The following SUMO3 variants were observed in gnomAD, a reference collection of about 807,000 sequenced individuals.
SUMO3 encodes small ubiquitin like modifier 3, also known as small ubiquitin-related modifier 3.
In SUMO3, 2 loss-of-function variants were observed where a neutral mutation model predicts 11.1. The observed-to-expected ratio is 0.18, with a 90% CI of 0.07 to 0.57. The LOEUF (loss-of-function observed/expected upper bound fraction) is 0.57. SUMO3 is among the 20% of genes least tolerant of loss of function. The pLI, the probability that SUMO3 is intolerant of heterozygous loss-of-function variation, is 0.92. For synonymous variants in SUMO3, 56 were observed against 53.5 expected (o/e 1.05, Z -0.20); for missense variants, 70 against 132.8 (o/e 0.53, Z 2.32).
At chr21:44,817,273 G>A (rs565636465) in intron 1 of SUMO3, among the ~76,000 whole-genome samples, 2 of 150,084 alleles carry the variant, frequency 1.3e-5, no homozygotes, top group Non-Finnish European at 3.0e-5. Context: ...GCGATGGGTG[G>A]GAGTAGGTGC....
chr21:44,808,846 G>T (rs2083193802), intron 3 of SUMO3: 2 of 675,848 alleles, frequency 3.0e-6, no homozygotes, highest in East Asian at 2.8e-5. Context: ...TCTCCAAACA[G>T]CAAGAATGAT....
At chr21:44,809,193 C>G in intron 2 of SUMO3, 75 bp from the exon 3 acceptor site, 2 of 1,422,578 alleles carry the variant, frequency 1.4e-6, no homozygotes, top group Admixed American at 1.7e-5. Flanking sequence ...ATTAGTCTCA[C>G]TGACAAGCCC....
chr21:44,813,456 T>C, intron 2 of SUMO3: 1 of 223,430 alleles, frequency 4.5e-6, no homozygotes, highest in Non-Finnish European at 9.1e-6. Context: ...GTGGGGCAGC[T>C]CATTATCCTG....
intron 2 of SUMO3, among the ~76,000 whole-genome samples, chr21:44,813,349 A>C (rs1256841782): frequency 6.6e-6 from 1 of 151,914 alleles, no homozygotes; most frequent in African/African-American, 2.4e-5. Context: ...CCCCTGGCCC[A>C]GGGTGAGTCC....
intron 2 of SUMO3, chr21:44,813,509 T>C (rs1478211677): frequency 6.3e-6 from 2 of 315,206 alleles, no homozygotes; most frequent in Non-Finnish European, 1.2e-5. Context: ...TTTCTTGCCT[T>C]TCCTAACAAA....
intron 3 of SUMO3, 95 bp downstream of exon 3, chr21:44,808,952 T>C: frequency 1.0e-6 from 1 of 969,038 alleles, no homozygotes; most frequent in Non-Finnish European, 1.7e-6. Flanking sequence ...CTGTATGAGC[T>C]CCCACCTACA....
Position 44,813,956 on chromosome 21 carries a change from G to A in SUMO3, c.150+20C>T, listed in dbSNP as rs369635137. The A allele has an allele frequency of 1.0e-4, 160 of 1,607,666 alleles. 1 individual carries two copies. The highest frequency in any genetic ancestry group is 3.3e-4 in the Middle Eastern group (2 of 6,034). On this transcript the variant is annotated intron_variant, in intron 2 of 3. Coordinates refer to ENST00000332859, the MANE Select transcript of SUMO3 (RefSeq NM_006936.3). ...CAGTGCGCACACGGGGAGGCTCTGC[G>A]GGGGAGCAAGGTGCCGCACCTGCCT...
chr21:44,810,431 TG>T lies in SUMO3; in HGVS notation c.151-1314del, dbSNP rs146461062. Among the ~76,000 whole-genome samples the T allele has an allele frequency of 0.011, 1,720 of 152,260 alleles. 30 individuals carry two copies. Among genetic ancestry groups the T allele is most frequent in the African/African-American group, 0.039 (1,633 of 41,544 alleles). On this transcript the variant is annotated intron_variant, in intron 2 of 3. Coordinates refer to ENST00000332859, the MANE Select transcript of SUMO3 (RefSeq NM_006936.3). The surrounding 1 kb of genome is among the most constrained non-coding windows in gnomAD (Gnocchi z 4.1). Reference sequence around the variant, plus strand: ...AGGCAGCTGATTCTGAACAGCTGCCTGGAAGTTCACATGCAGACCCCTCAGG... The same window carrying T: ...AGGCAGCTGATTCTGAACAGCTGCCTGAAGTTCACATGCAGACCCCTCAGG...
chr21:44,811,471 C>A lies in SUMO3; in HGVS notation c.151-2353G>T, dbSNP rs967746596. Among the ~76,000 whole-genome samples the A allele has an allele frequency of 2.0e-5, 3 of 152,034 alleles. No homozygotes were observed. Among genetic ancestry groups the A allele is most frequent in the African/African-American group, 4.8e-5 (2 of 41,360 alleles). On this transcript the variant is annotated intron_variant, in intron 2 of 3. Coordinates refer to ENST00000332859, the MANE Select transcript of SUMO3 (RefSeq NM_006936.3). The surrounding 1 kb of genome is among the most constrained non-coding windows in gnomAD (Gnocchi z 5.0). Reference sequence around the variant, plus strand: ...CCTGGAGTCCCACCTACTCGGGAGGCTGAGGTGGGAGGATCACTTGAGCCC... The same window carrying A: ...CCTGGAGTCCCACCTACTCGGGAGGATGAGGTGGGAGGATCACTTGAGCCC...
At position 44,811,087 on chromosome 21, in the gene SUMO3, C is replaced by T. The variant is rs1478238165; in HGVS notation, c.151-1969G>A. Among the ~76,000 whole-genome samples, 1 of 150,288 alleles carries T rather than the reference C, an allele frequency of 6.7e-6. No individual in the cohort carries two copies. Among genetic ancestry groups the T allele is most frequent in the African/African-American group, 2.5e-5 (1 of 40,548 alleles). On this transcript the variant is annotated intron_variant, in intron 2 of 3. Coordinates refer to ENST00000332859, the MANE Select transcript of SUMO3 (RefSeq NM_006936.3). This position sits in a 1 kb window ranked among gnomAD's most constrained non-coding sequence, Gnocchi z 5.0. The stretch of plus-strand genomic sequence containing the variant: ...ATACACACACACGAATGCACACATG[C>T]ACACACCCACATACACACACATGCA...
chr21:44,808,356 C>A (rs2083190808), intron 3 of SUMO3: 2 of 494,102 alleles, frequency 4.0e-6, no homozygotes, highest in Non-Finnish European at 3.4e-6. Context: ...ACTAAAAATA[C>A]AAAAAAATTA....
intron 1 of SUMO3, 40 bp from the exon 2 acceptor site, chr21:44,814,144 CAAAAT>C: frequency 6.3e-7 from 1 of 1,593,756 alleles, no homozygotes; most frequent in Non-Finnish European, 8.6e-7. Flanking sequence ...AACTGTGTCT[CAAAAT>C]AACCGCGACT....
At chr21:44,812,091 C>T (rs934935394) in intron 2 of SUMO3, among the ~76,000 whole-genome samples, 2 of 107,220 alleles carry the variant, frequency 1.9e-5, no homozygotes, top group African/African-American at 6.8e-5. Flanking sequence ...CAGGGTCTTG[C>T]TCTGTCACCC....
chr21:44,807,911 A>G lies in SUMO3; in HGVS notation c.223-871T>C, dbSNP rs940689048. On this transcript the variant is annotated intron_variant, in intron 3 of 3. Transcript: ENST00000332859. The surrounding 1 kb of genome is among the most constrained non-coding windows in gnomAD (Gnocchi z 4.3). Reference sequence around the variant, plus strand: ...CAGCTTCTCCCTGGTGAACACTCCCAGAGCTGCCACTGCCTCAGCGGTGTG... The same window carrying G: ...CAGCTTCTCCCTGGTGAACACTCCCGGAGCTGCCACTGCCTCAGCGGTGTG... Among the ~76,000 whole-genome samples, 1 of 152,262 alleles carries G rather than the reference A, an allele frequency of 6.6e-6. No homozygotes were observed. Among genetic ancestry groups the G allele is most frequent in the African/African-American group, 2.4e-5 (1 of 41,478 alleles).
At chr21:44,813,030 A>G (rs1034607100) in intron 2 of SUMO3, among the ~76,000 whole-genome samples, 1 of 152,240 alleles carries the variant, frequency 6.6e-6, no homozygotes, top group African/African-American at 2.4e-5. Flanking sequence ...GCAAACACAA[A>G]GAAAGGAAGT....
At chr21:44,808,881 G>C (rs2083193997) in intron 3 of SUMO3, 166 bp downstream of exon 3, 1 of 736,048 alleles carries the variant, frequency 1.4e-6, no homozygotes, top group Non-Finnish European at 2.3e-6. Flanking sequence ...TTTCTCATTT[G>C]AAAATTTAAA....
chr21:44,813,838 C>A (rs2083227415), intron 2 of SUMO3, 138 bp downstream of exon 2: 18 of 1,551,544 alleles, frequency 1.2e-5, no homozygotes, highest in Middle Eastern at 2.3e-4. Flanking sequence ...CAAGCCCCCG[C>A]CTGCCCATCC....
intron 2 of SUMO3, among the ~76,000 whole-genome samples, chr21:44,809,759 C>G (rs148248359): frequency 1.0e-3 from 153 of 152,258 alleles, no homozygotes; most frequent in African/African-American, 3.3e-3. Flanking sequence ...GGAAATGAGC[C>G]GCCAGGTGAA....
At chr21:44,813,890 C>T (rs553350894) in intron 2 of SUMO3, 86 bp downstream of exon 2, 4 of 1,596,252 alleles carry the variant, frequency 2.5e-6, no homozygotes, top group East Asian at 4.5e-5. Context: ...GGTCCAGCCC[C>T]GAGACGCTCG....
Sources: allele counts gnomAD v4.1 joint callset (sites outside exome capture counted in the v4.1 genomes callset), GRCh38; gene constraint gnomAD v4.1.1; non-coding constraint Gnocchi (gnomAD v3.1); transcripts MANE v1.5; gene names NCBI Gene and HGNC (gene_info 2026-07-23, HGNC 2026-07-21).